The following AGAP1 variants were observed in gnomAD, a reference collection of about 807,000 sequenced individuals.
The protein encoded by AGAP1 is ArfGAP with GTPase domain, ankyrin repeat and PH domain 1.
A neutral mutation model predicts 105.3 loss-of-function variants in AGAP1; 29 were observed. The observed-to-expected ratio is 0.28, with a 90% CI of 0.21 to 0.38. AGAP1 has a LOEUF of 0.38. Ranked by LOEUF, AGAP1 falls within the 10% of genes least tolerant of loss-of-function variation. AGAP1 has a pLI of 1.00. For missense variants in AGAP1, 998 were observed against 1,165.1 expected, an observed-to-expected ratio of 0.86 and a Z score of 2.09; for synonymous variants, 509 against 485.9, an observed-to-expected ratio of 1.05 and a Z score of -0.63.
At chr2:235,699,320 C>T (rs1950147185) in intron 1 of AGAP1, among the ~76,000 whole-genome samples, 1 of 152,032 alleles carries the variant, frequency 6.6e-6, no homozygotes, top group African/African-American at 2.4e-5. Context: ...CTACAGAGAG[C>T]CTGATGTATT....
chr2:235,687,745 T>C (rs1319979211), intron 1 of AGAP1, among the ~76,000 whole-genome samples: 2 of 152,196 alleles, frequency 1.3e-5, no homozygotes, highest in African/African-American at 4.8e-5. Context: ...AGAGATTTAT[T>C]TAAGACATTA....
chr2:235,543,097 T>TC (rs1165093900), intron 1 of AGAP1, among the ~76,000 whole-genome samples: 18,432 of 66,336 alleles, frequency 0.28, 2,744 homozygotes, highest in East Asian at 0.4. Context: ...CTCCTCCCCC[T>TC]CCCCCCCCCC....
rs780368392 is a variant in AGAP1 at position 235,830,526 on chromosome 2, G to A, written c.1050+23195G>A. Among the ~76,000 whole-genome samples the A allele has an allele frequency of 2.6e-5, 4 of 151,768 alleles. No individual in the cohort carries two copies. Among genetic ancestry groups the A allele is most frequent in the African/African-American group, 4.8e-5 (2 of 41,272 alleles). The stretch of plus-strand genomic sequence containing the variant: ...TAGAGGGTGCCCTCTCATCAGGTCC[G>A]TGTGCACCAGGAAGTTTACAGTTCA... On this transcript the variant is annotated intron_variant, in intron 9 of 17. Coordinates refer to ENST00000304032, the MANE Select transcript of AGAP1 (RefSeq NM_001037131.3). This position sits in a 1 kb window ranked among gnomAD's most constrained non-coding sequence, Gnocchi z 5.5.
rs931459798 is a variant in AGAP1, at chr2:235,905,345, A to G, written c.1156-3393A>G. Among the ~76,000 whole-genome samples, 16 of 152,316 alleles carry G rather than the reference A, an allele frequency of 1.1e-4. No homozygotes were observed. The highest frequency in any genetic ancestry group is 3.1e-4 in the African/African-American group (13 of 41,572). ...TAAAGGAGTAACTGTGCAAGAAGGA[A>G]TTCATTATTTACAAGCATTAACTTT... On this transcript the variant is annotated intron_variant, in intron 10 of 17. Transcript: ENST00000304032. The surrounding 1 kb of genome is among the most constrained non-coding windows in gnomAD (Gnocchi z 4.2).
intron 1 of AGAP1, among the ~76,000 whole-genome samples, chr2:235,617,451 G>A (rs1382482000): frequency 3.9e-5 from 6 of 152,046 alleles, no homozygotes; most frequent in African/African-American, 1.2e-4. Flanking sequence ...CCTGTAATCC[G>A]AGCACTTTGG....
In AGAP1 at chr2:235,733,102, G is replaced by A. The variant is rs1322124954; in HGVS notation, c.311-7861G>A. ...GGGACCAGGGCTCTGCTCTTCCTGGGAATTTACCACATCCTCTTCCAGGTT... is the reference window on the plus strand; with the variant it reads ...GGGACCAGGGCTCTGCTCTTCCTGGAAATTTACCACATCCTCTTCCAGGTT... On this transcript the variant is annotated intron_variant, in intron 3 of 17. Transcript: ENST00000304032. The surrounding 1 kb of genome is among the most constrained non-coding windows in gnomAD (Gnocchi z 5.0). Among the ~76,000 whole-genome samples, 1 of 152,216 alleles carries A rather than the reference G, an allele frequency of 6.6e-6. No homozygotes were observed. Among genetic ancestry groups the A allele is most frequent in the Non-Finnish European group, 1.5e-5 (1 of 68,038 alleles).
At chr2:235,498,355 T>G (rs766691092) in intron 1 of AGAP1, among the ~76,000 whole-genome samples, 18 of 151,928 alleles carry the variant, frequency 1.2e-4, no homozygotes, top group Non-Finnish European at 2.6e-4. Flanking sequence ...GCATTGCTGA[T>G]TGTTCCAGAT....
intron 10 of AGAP1, among the ~76,000 whole-genome samples, chr2:235,892,552 T>G (rs542102714): frequency 4.0e-5 from 6 of 149,558 alleles, no homozygotes; most frequent in Non-Finnish European, 7.4e-5. Context: ...GATTCCTAAG[T>G]AGGTATTTTC....
intron 9 of AGAP1, among the ~76,000 whole-genome samples, chr2:235,850,866 T>G (rs965788838): frequency 6.6e-6 from 1 of 152,194 alleles, no homozygotes; most frequent in Non-Finnish European, 1.5e-5. Flanking sequence ...GCAATGGGTT[T>G]CCAGGTCCAA....
At position 236,129,851 on chromosome 2, in the gene AGAP1, T is replaced by C. The variant is rs2060059841; in HGVS notation, c.*5729T>C. On this transcript the variant is annotated 3_prime_UTR_variant, in exon 18 of 18. Coordinates refer to ENST00000304032, the MANE Select transcript of AGAP1 (RefSeq NM_001037131.3). This position sits in a 1 kb window ranked among gnomAD's most constrained non-coding sequence, Gnocchi z 6.2. ...ATGAGAAAGTATTTAAGTTCACCAGTGTAGTAAACACCCACCCCAGAGCAG... is the reference window on the plus strand; with the variant it reads ...ATGAGAAAGTATTTAAGTTCACCAGCGTAGTAAACACCCACCCCAGAGCAG... 1 of 152,316 alleles carries C rather than the reference T, an allele frequency of 6.6e-6. No homozygotes were observed. The highest frequency in any genetic ancestry group is 6.5e-5 in the Admixed American group (1 of 15,300). The allele number at this position is 152,316 out of a possible 1,614,324, so 9.4% of individuals were successfully genotyped here.
rs1952018628 is a variant in AGAP1 at position 235,732,641 on chromosome 2, C to T, written c.311-8322C>T. ...CATTTTCCCTGCTGGGGAGCCTTTG[C>T]ATAATGTCCCCAGCCCTGCTCTTCA... On this transcript the variant is annotated intron_variant, in intron 3 of 17. Coordinates refer to ENST00000304032, the MANE Select transcript of AGAP1 (RefSeq NM_001037131.3). The surrounding 1 kb of genome is among the most constrained non-coding windows in gnomAD (Gnocchi z 4.8). Among the ~76,000 whole-genome samples, 1 of 152,166 alleles carries T rather than the reference C, an allele frequency of 6.6e-6. No individual in the cohort carries two copies. The highest frequency in any genetic ancestry group is 2.1e-4 in the South Asian group (1 of 4,824).
chr2:235,512,102 TGA>T (rs776586076), intron 1 of AGAP1, among the ~76,000 whole-genome samples: 6 of 140,992 alleles, frequency 4.3e-5, no homozygotes, highest in Non-Finnish European at 7.7e-5. Context: ...TGTGTGTGTG[TGA>T]ATGTGTGTGT....
chr2:235,786,018 G>A (rs1316703747), intron 6 of AGAP1, among the ~76,000 whole-genome samples: 8 of 152,244 alleles, frequency 5.3e-5, no homozygotes, highest in Non-Finnish European at 1.2e-4. Flanking sequence ...TTCACCTTCA[G>A]GGGATGGCAG....
chr2:235,547,082 T>C (rs1943649099), intron 1 of AGAP1, among the ~76,000 whole-genome samples: 1 of 151,928 alleles, frequency 6.6e-6, no homozygotes, highest in Non-Finnish European at 1.5e-5. Flanking sequence ...TCCCCATGCT[T>C]TTAGGATCGT....
chr2:236,128,316 C>A lies in AGAP1; in HGVS notation c.*4194C>A, dbSNP rs112214465. On this transcript the variant is annotated 3_prime_UTR_variant, in exon 18 of 18. Coordinates refer to ENST00000304032, the MANE Select transcript of AGAP1 (RefSeq NM_001037131.3). The surrounding 1 kb of genome is among the most constrained non-coding windows in gnomAD (Gnocchi z 5.9). ...GGTGCTGATCAGGGCCAAGACGACC[C>A]TTCCCTCTCCCCCACAGCCTGTTGA... is the stretch of plus-strand genomic sequence containing the variant. The A allele has an allele frequency of 0.019, 2,823 of 152,570 alleles. 94 individuals carry two copies. Among genetic ancestry groups the A allele is most frequent in the African/African-American group, 0.064 (2,675 of 41,558 alleles). The allele number at this position is 152,570 out of a possible 1,614,324, so 9.5% of individuals were successfully genotyped here. A position where few individuals can be genotyped will look rare whatever the true frequency, so the allele number is the denominator to read the frequency against.
chr2:235,593,582 A>G (rs1045578624), intron 1 of AGAP1, among the ~76,000 whole-genome samples: 2 of 152,198 alleles, frequency 1.3e-5, no homozygotes, highest in Non-Finnish European at 2.9e-5. Flanking sequence ...TTCCGTGTAT[A>G]TAGATATATA....
Position 235,883,373 on chromosome 2 carries a change from C to T in AGAP1, c.1079C>T (p.Ser360Leu). ...QGMLLKRSGK[S>L]LNKEWKKKYV... Reference sequence around the variant, plus strand: ...ATGCTGTTGAAGCGAAGTGGCAAATCGTTGAATAAAGAGTGGAAAAAGAAA... The same window carrying T: ...ATGCTGTTGAAGCGAAGTGGCAAATTGTTGAATAAAGAGTGGAAAAAGAAA... The change falls in exon 10 of 18, where the codon TCG becomes TTG. Residue 360 changes from serine (S) to leucine (L), a missense_variant. Ser to Leu is a moderately radical substitution (Grantham distance 145, BLOSUM62 -2). Around this residue, in one of 3 missense-constraint regions of AGAP1, gnomAD observed 735 missense variants for 833.4 expected, o/e 0.88. Transcript: ENST00000304032. The surrounding 1 kb of genome is among the most constrained non-coding windows in gnomAD (Gnocchi z 4.5). 6.2e-7 allele frequency: 1 copy of T among 1,613,930 alleles called. No individual in the cohort carries two copies. The highest frequency in any genetic ancestry group is 8.5e-7 in the Non-Finnish European group (1 of 1,179,998).
In AGAP1 at chr2:235,620,692, T is replaced by C. The variant is rs759269681; in HGVS notation, c.164-88487T>C. Among the ~76,000 whole-genome samples, 6 of 152,030 alleles carry C rather than the reference T, an allele frequency of 3.9e-5. No individual in the cohort carries two copies. Among genetic ancestry groups the C allele is most frequent in the Non-Finnish European group, 5.9e-5 (4 of 68,006 alleles). ...CCCTGACATGTCTGGTGTCTCTCTC[T>C]CCCCACTGGATGGAATATAAGGGCT... On this transcript the variant is annotated intron_variant, in intron 1 of 17. Coordinates refer to ENST00000304032, the MANE Select transcript of AGAP1 (RefSeq NM_001037131.3). The surrounding 1 kb of genome is among the most constrained non-coding windows in gnomAD (Gnocchi z 4.5).
rs1365166664 is a variant in AGAP1, at chr2:235,550,476, C to G, written c.163+55627C>G. ...CCTTCCTCTCCTCAAATGCCATTCA[C>G]AGCAGTGTCAGTGCCTGCCCAGAGT... On this transcript the variant is annotated intron_variant, in intron 1 of 17. Transcript: ENST00000304032. The surrounding 1 kb of genome is among the most constrained non-coding windows in gnomAD (Gnocchi z 4.6). Among the ~76,000 whole-genome samples the G allele has an allele frequency of 2.0e-5, 3 of 152,228 alleles. No individual in the cohort carries two copies. The highest frequency in any genetic ancestry group is 4.4e-5 in the Non-Finnish European group (3 of 68,040).
Sources: allele counts gnomAD v4.1 joint callset (sites outside exome capture counted in the v4.1 genomes callset), GRCh38; gene constraint gnomAD v4.1.1; regional missense constraint gnomAD v4.1.1; non-coding constraint Gnocchi (gnomAD v3.1); transcripts MANE v1.5; gene names NCBI Gene and HGNC (gene_info 2026-07-23, HGNC 2026-07-21).